DHRS12: variants seen among roughly 807,000 people sequenced by gnomAD.
DHRS12 encodes dehydrogenase/reductase SDR family member 12.
Under a neutral mutation model 32.1 loss-of-function variants are expected in DHRS12, and 29 were observed. That is an observed-to-expected ratio of 0.90 (90% CI 0.67 to 1.23). DHRS12 has a LOEUF of 1.23. Ranked by LOEUF, DHRS12 falls within the 50% of genes most tolerant of loss-of-function variation. DHRS12 has a pLI of 0.00. For missense variants in DHRS12, 330 were observed against 337.2 expected (o/e 0.98, Z 0.17); for synonymous variants, 150 against 135.9 (o/e 1.10, Z -0.72).
At position 51,804,137 on chromosome 13, in the gene DHRS12, C is replaced by A; in HGVS notation, c.-92G>T. The A allele has an allele frequency of 6.9e-7, 1 of 1,451,658 alleles. No homozygotes were observed. Among genetic ancestry groups the A allele is most frequent in the South Asian group, 1.3e-5 (1 of 75,764 alleles). 89.9% of individuals were successfully genotyped at this position (1,451,658 alleles called of 1,614,324 possible). A position where few individuals can be genotyped will look rare whatever the true frequency, so the allele number is the denominator to read the frequency against. ...CGGGAGCGCCCCACGCCTAGCCCCA[C>A]CGCGCTCCCGGCGCGGCCTCCGCCC... On this transcript the variant is annotated 5_prime_UTR_variant, in exon 1 of 9. Transcript: ENST00000444610.
chr13:51,757,370 A>G, the DHRS12 span, among the ~76,000 whole-genome samples: 32 of 152,214 alleles, frequency 2.1e-4, no homozygotes, highest in Non-Finnish European at 3.8e-4. Flanking sequence ...TAAGGGACTT[A>G]CAGTTAAGCC....
chr13:51,758,289 A>C, the DHRS12 span: 1 of 1,587,448 alleles, frequency 6.3e-7, no homozygotes, highest in Non-Finnish European at 8.6e-7. Context: ...TGGAACTGAC[A>C]AGGTTATTAA....
intron 5 of DHRS12, chr13:51,776,448 C>A (rs1011697647): frequency 1.3e-5 from 2 of 153,054 alleles, no homozygotes; most frequent in African/African-American, 4.8e-5. Flanking sequence ...GGGACTCCAC[C>A]AAGCCCACCT....
intron 8 of DHRS12, 123 bp from the exon 9 acceptor site, chr13:51,768,419 A>AC (rs1005678429): frequency 4.0e-5 from 59 of 1,471,376 alleles, no homozygotes; most frequent in Non-Finnish European, 5.1e-5. Flanking sequence ...CAGCTGTTAG[A>AC]CCCCCATCCC....
rs749990451 is a variant in DHRS12, at chr13:51,776,292, C to T, written c.363+768G>A. ...GTCAGCGGAGCTGCGTCCCCTCTGC[C>T]GGTCTCAGAGGAGACTCCATTCCTT... On this transcript the variant is annotated intron_variant, in intron 5 of 8. Coordinates refer to ENST00000444610, the MANE Select transcript of DHRS12 (RefSeq NM_001377533.1). 8 of 152,180 alleles carry T rather than the reference C, an allele frequency of 5.3e-5. 1 individual carries two copies. Among genetic ancestry groups the T allele is most frequent in the African/African-American group, 9.7e-5 (4 of 41,418 alleles). The allele number at this position is 152,180 out of a possible 1,614,324, so 9.4% of individuals were successfully genotyped here.
intron 2 of DHRS12, among the ~76,000 whole-genome samples, chr13:51,792,842 T>C (rs1457287432): frequency 6.6e-6 from 1 of 152,212 alleles, no homozygotes; most frequent in African/African-American, 2.4e-5. Flanking sequence ...GGAGATGATT[T>C]TGTTACATAT....
intron 2 of DHRS12, among the ~76,000 whole-genome samples, chr13:51,795,883 C>CA (rs1405582825): frequency 6.6e-6 from 1 of 152,094 alleles, no homozygotes; most frequent in African/African-American, 2.4e-5. Flanking sequence ...TCCCCCAACC[C>CA]ACCCCCACTA....
At chr13:51,803,049 T>TTCCC (rs1329132242) in intron 1 of DHRS12, among the ~76,000 whole-genome samples, 2 of 152,216 alleles carry the variant, frequency 1.3e-5, no homozygotes, top group Non-Finnish European at 2.9e-5. Context: ...TGCCACTGTA[T>TTCCC]TCCCCTAAAA....
At chr13:51,759,637 T>G in the DHRS12 span, 24 of 1,004,554 alleles carry the variant, frequency 2.4e-5, no homozygotes, top group Non-Finnish European at 3.5e-5. Flanking sequence ...TAGTATGTGG[T>G]GGTTTGTTAA....
At chr13:51,769,375 AAAG>A in intron 7 of DHRS12, 82 bp from the exon 8 acceptor site, 1 of 1,190,646 alleles carries the variant, frequency 8.4e-7, no homozygotes, top group African/African-American at 1.6e-5. Flanking sequence ...AAAAAAAAAA[AAAG>A]TGCAAAAATG....
intron 2 of DHRS12, among the ~76,000 whole-genome samples, chr13:51,794,609 T>C (rs1482519720): frequency 6.6e-6 from 1 of 152,172 alleles, no homozygotes; most frequent in Non-Finnish European, 1.5e-5. Flanking sequence ...TCAGGAGGCC[T>C]GCAGGACTGA....
At chr13:51,765,984 C>G (rs1346100610), downstream of DHRS12, 2 of 151,698 alleles carry the variant, frequency 1.3e-5, no homozygotes, top group African/African-American at 4.8e-5. Context: ...TCCCTTGGTT[C>G]TCGGGGATGC....
At chr13:51,785,102 C>T (rs1177805494) in intron 4 of DHRS12, among the ~76,000 whole-genome samples, 1 of 151,978 alleles carries the variant, frequency 6.6e-6, no homozygotes, top group Non-Finnish European at 1.5e-5. Context: ...GTGGCGTGTA[C>T]CTGTAATCCC....
At position 51,768,137 on chromosome 13, in the gene DHRS12, T is replaced by G. The variant is rs1953834343; in HGVS notation, c.*50A>C. ...TATTCACTGGTCCCTAGACCGCACC[T>G]TCTGGTATCTTCTAAGGCAATTCTG... On this transcript the variant is annotated 3_prime_UTR_variant, in exon 9 of 9. Coordinates refer to ENST00000444610, the MANE Select transcript of DHRS12 (RefSeq NM_001377533.1). 2 of 1,535,370 alleles carry G rather than the reference T, an allele frequency of 1.3e-6. No individual in the cohort carries two copies. Among genetic ancestry groups the G allele is most frequent in the African/African-American group, 2.7e-5 (2 of 73,038 alleles).
intron 2 of DHRS12, among the ~76,000 whole-genome samples, chr13:51,795,764 C>T (rs1955487498): frequency 6.6e-6 from 1 of 152,208 alleles, no homozygotes; most frequent in African/African-American, 2.4e-5. Flanking sequence ...TTCCCCCCTT[C>T]CTTTCACCTA....
chr13:51,771,992 C>A, intron 6 of DHRS12, 81 bp from the exon 7 acceptor site: 3 of 1,368,130 alleles, frequency 2.2e-6, no homozygotes, highest in Non-Finnish European at 3.1e-6. Context: ...CCCTGCCCAG[C>A]CTGGCTTATC....
Position 51,770,863 on chromosome 13 carries a change from T to G in DHRS12, c.559+958A>C, listed in dbSNP as rs192408605. 491 of 1,114,054 alleles carry G rather than the reference T, an allele frequency of 4.4e-4. 4 individuals are homozygous for G. The African/African-American group carries it at 6.8e-3, about 15-fold the overall frequency. 69.0% of individuals were successfully genotyped at this position (1,114,054 alleles called of 1,614,324 possible). ...TGATTGGCAGCAGAGTCTTCAGCCC[T>G]GAACAGATTTTGCACAGGTGTTCTA... On this transcript the variant is annotated intron_variant, in intron 7 of 8. Transcript: ENST00000444610.
At chr13:51,762,736 A>C in the DHRS12 span, 1 of 152,194 alleles carries the variant, frequency 6.6e-6, no homozygotes, top group Non-Finnish European at 1.5e-5. Flanking sequence ...TTTGCACTTT[A>C]CATATATTTT....
chr13:51,797,715 A>G, intron 2 of DHRS12: 1 of 1,130,672 alleles, frequency 8.8e-7, no homozygotes. Flanking sequence ...CCAAAGCAGA[A>G]GCACAAACAC....
Sources: gnomAD v4.1 joint callset for allele counts (sites outside exome capture counted in the v4.1 genomes callset) on GRCh38, gnomAD v4.1.1 for gene constraint, MANE v1.5 for transcripts, NCBI Gene and HGNC (gene_info 2026-07-23, HGNC 2026-07-21) for gene names.